CAPSL: variants seen among roughly 807,000 people sequenced by gnomAD.
CAPSL encodes calcyphosine like, also known as calcyphosin-like protein.
In CAPSL, 17 loss-of-function variants were observed where a neutral mutation model predicts 21.3. That is an observed-to-expected ratio of 0.80 (90% CI 0.55 to 1.20). The LOEUF (loss-of-function observed/expected upper bound fraction) is 1.20, where lower values mean the gene tolerates loss of function less well. CAPSL is among the 50% of genes most tolerant of loss of function. The pLI, the probability that CAPSL is intolerant of heterozygous loss-of-function variation, is 0.00. For missense variants in CAPSL, 289 were observed against 259.3 expected, an observed-to-expected ratio of 1.11 and a Z score of -0.79; for synonymous variants, 102 against 89.3, an observed-to-expected ratio of 1.14 and a Z score of -0.80.
At chr5:35,931,525 G>A (rs1455017821) in intron 1 of CAPSL, among the ~76,000 whole-genome samples, 1 of 151,720 alleles carries the variant, frequency 6.6e-6, no homozygotes, top group Admixed American at 6.6e-5. Context: ...GGGAATGTCA[G>A]GGGGCATTCA....
intron 1 of CAPSL, 93 bp from the exon 2 acceptor site, chr5:35,921,213 T>C (rs1580889695): frequency 1.4e-6 from 2 of 1,435,030 alleles, no homozygotes; most frequent in East Asian, 2.3e-5. Context: ...GAAGGAAATT[T>C]ACAGCCTTCT....
intron 4 of CAPSL, among the ~76,000 whole-genome samples, chr5:35,908,431 A>G (rs1045470959): frequency 2.0e-5 from 3 of 152,226 alleles, no homozygotes; most frequent in African/African-American, 7.2e-5. Flanking sequence ...TAAGATAAAT[A>G]TCAAAAGGGG....
chr5:35,935,536 T>C (rs700170), intron 1 of CAPSL, among the ~76,000 whole-genome samples: 34,352 of 151,968 alleles, frequency 0.23, 4,249 homozygotes, highest in Non-Finnish European at 0.28. Flanking sequence ...GATCTTGCTA[T>C]GTTGCCCAGG....
At chr5:35,919,392 A>G (rs772257412) in intron 2 of CAPSL, among the ~76,000 whole-genome samples, 1 of 152,130 alleles carries the variant, frequency 6.6e-6, no homozygotes, top group Non-Finnish European at 1.5e-5. Context: ...GAAAGAACGT[A>G]TACTGTTGAA....
Position 35,933,483 on chromosome 5 carries a change from C to G in CAPSL, c.-1+5058G>C, listed in dbSNP as rs75902944. Among the ~76,000 whole-genome samples, 1,182 of 152,208 alleles carry G rather than the reference C, an allele frequency of 7.8e-3. 14 individuals carry two copies. The highest frequency in any genetic ancestry group is 0.027 in the African/African-American group (1,131 of 41,542). The stretch of plus-strand genomic sequence containing the variant: ...CCCCAGCAGCCTTTTGTAAATTATC[C>G]ACAACATCTCAGAAAATGTTCATTT... On this transcript the variant is annotated intron_variant, in intron 1 of 4. Coordinates refer to ENST00000651391, the MANE Select transcript of CAPSL (RefSeq NM_001042625.2).
Position 35,904,512 on chromosome 5 carries a change from G to GTGT in CAPSL, c.*32_*33insACA, listed in dbSNP as rs1561433686. 2.0e-6 allele frequency: 3 copies of GTGT among 1,478,984 alleles called. No homozygotes were observed. The highest frequency in any genetic ancestry group is 2.8e-6 in the Non-Finnish European group (3 of 1,062,468). The allele number at this position is 1,478,984 out of a possible 1,614,324, so 91.6% of individuals were successfully genotyped here. A position where few individuals can be genotyped will look rare whatever the true frequency, so the allele number is the denominator to read the frequency against. ...ACATTTAGTCATTTGGAGCCACATG[G>GTGT]CTGTCCCAGGGCCTGGTCCCCAGGT... is the stretch of plus-strand genomic sequence containing the variant. On this transcript the variant is annotated 3_prime_UTR_variant, in exon 5 of 5. Coordinates refer to ENST00000651391, the MANE Select transcript of CAPSL (RefSeq NM_001042625.2).
chr5:35,911,971 G>C (rs1339981122), intron 2 of CAPSL, among the ~76,000 whole-genome samples: 1 of 152,184 alleles, frequency 6.6e-6, no homozygotes, highest in African/African-American at 2.4e-5. Flanking sequence ...TCAAAGAAAG[G>C]GGTGACAGAC....
In CAPSL at chr5:35,904,471, T is replaced by C. The variant is rs73094017; in HGVS notation, c.*74A>G. 1.0e-4 allele frequency: 114 copies of C among 1,086,794 alleles called. No homozygotes were observed. In the African/African-American group the frequency reaches 1.6e-3, roughly 16 times the overall value. 67.3% of individuals were successfully genotyped at this position (1,086,794 alleles called of 1,614,324 possible). On this transcript the variant is annotated 3_prime_UTR_variant, in exon 5 of 5. Transcript: ENST00000651391. ...GGATGAGTGTGAAATCAAATACGAT[T>C]CTGGTTTTTGAGCTGACATTTAGTC...
chr5:35,919,170 A>AAATATATAT (rs754098152), intron 2 of CAPSL, among the ~76,000 whole-genome samples: 76 of 121,274 alleles, frequency 6.3e-4, no homozygotes, highest in South Asian at 1.3e-3. Flanking sequence ...TAAAAAAAAA[A>AAATATATAT]ATATATATAT....
rs758288729 is a variant in CAPSL at position 35,921,121 on chromosome 5, C to T, written c.1-1G>A. 6.2e-7 allele frequency: 1 copy of T among 1,613,756 alleles called. No homozygotes were observed. The highest frequency in any genetic ancestry group is 1.1e-5 in the South Asian group (1 of 91,058). On this transcript the variant is annotated splice_acceptor_variant, in intron 1 of 4. Transcript: ENST00000651391. LOFTEE classifies it low-confidence loss of function (5UTR_SPLICE). The stretch of plus-strand genomic sequence containing the variant: ...GGTCATGGCGCGCTGTCCCTGCCAT[C>T]TGAGGGGAAGCCATAGCATGTTAGC...
intron 2 of CAPSL, among the ~76,000 whole-genome samples, chr5:35,916,217 T>G (rs1270001196): frequency 2.0e-5 from 3 of 151,376 alleles, no homozygotes; most frequent in Non-Finnish European, 3.0e-5. Flanking sequence ...TAAAAGAGGA[T>G]ACAAACAAAT....
chr5:35,931,246 C>T (rs1738815056), intron 1 of CAPSL, among the ~76,000 whole-genome samples: 1 of 152,028 alleles, frequency 6.6e-6, no homozygotes, highest in Non-Finnish European at 1.5e-5. Context: ...AAATAACTAG[C>T]AATCCAATGT....
chr5:35,926,280 G>C lies in CAPSL; in HGVS notation c.1-5160C>G, dbSNP rs965365239. On this transcript the variant is annotated intron_variant, in intron 1 of 4. Transcript: ENST00000651391. The stretch of plus-strand genomic sequence containing the variant: ...AGTTTGAGGGAGAGGGCGGACTCGG[G>C]GCTGGCATCCAGAGCTGTTGCTTGC... Among the ~76,000 whole-genome samples, 42 of 152,254 alleles carry C rather than the reference G, an allele frequency of 2.8e-4. 1 individual carries two copies. The highest frequency in any genetic ancestry group is 9.9e-4 in the African/African-American group (41 of 41,536).
intron 2 of CAPSL, among the ~76,000 whole-genome samples, chr5:35,912,069 C>T (rs968882397): frequency 3.2e-4 from 49 of 152,290 alleles, no homozygotes; most frequent in African/African-American, 1.0e-3. Context: ...TTATATCCTG[C>T]ACCTGGCTCG....
chr5:35,910,286 A>G, intron 3 of CAPSL, 80 bp downstream of exon 3: 1 of 1,475,596 alleles, frequency 6.8e-7, no homozygotes, highest in Non-Finnish European at 9.2e-7. Context: ...ACAACTTGTA[A>G]AAACAAAACC....
intron 4 of CAPSL, among the ~76,000 whole-genome samples, chr5:35,905,298 G>A (rs1031887787): frequency 3.9e-5 from 6 of 152,016 alleles, no homozygotes; most frequent in African/African-American, 1.5e-4. Context: ...TTTCCTTTGG[G>A]GAAGGAGAAA....
intron 1 of CAPSL, among the ~76,000 whole-genome samples, chr5:35,933,953 G>C (rs1738881106): frequency 1.3e-5 from 2 of 152,174 alleles, no homozygotes; most frequent in African/African-American, 4.8e-5. Context: ...ATCATAAATT[G>C]AACAAGTGTT....
chr5:35,904,730 A>G (rs1760638992), intron 4 of CAPSL, 84 bp from the exon 5 acceptor site: 3 of 1,564,034 alleles, frequency 1.9e-6, no homozygotes, highest in Non-Finnish European at 8.6e-7. Flanking sequence ...CTGTAAATAG[A>G]AGGGAAATAG....
At chr5:35,909,434 G>A (rs1561435342) in intron 4 of CAPSL, among the ~76,000 whole-genome samples, 2 of 152,104 alleles carry the variant, frequency 1.3e-5, no homozygotes, top group African/African-American at 2.4e-5. Flanking sequence ...CATCCTGAAA[G>A]GCCTTGTAAA....
Sources: allele counts gnomAD v4.1 joint callset (sites outside exome capture counted in the v4.1 genomes callset), GRCh38; gene constraint gnomAD v4.1.1; transcripts MANE v1.5; gene names NCBI Gene and HGNC (gene_info 2026-07-23, HGNC 2026-07-21).